Variants in ATG16L1 observed in about 807,000 individuals in gnomAD.
ATG16L1 encodes the protein autophagy-related protein 16-1.
A neutral mutation model predicts 88.5 loss-of-function variants in ATG16L1; 37 were observed. The observed-to-expected ratio is 0.42, with a 90% confidence interval of 0.32 to 0.55. The LOEUF is 0.55. Ranked by LOEUF, ATG16L1 falls within the 20% of genes least tolerant of loss-of-function variation. ATG16L1 has a pLI of 0.13. For missense variants in ATG16L1, 554 were observed against 752.8 expected (o/e 0.74, Z 3.09); for synonymous variants, 301 against 281.0 (o/e 1.07, Z -0.71).
chr2:233,292,354 C>A (rs1181614248), intron 15 of ATG16L1, 33 bp from the exon 16 acceptor site: 3 of 1,614,152 alleles, frequency 1.9e-6, no homozygotes, highest in East Asian at 4.5e-5. Flanking sequence ...GGCCTGAGCT[C>A]CCTCAGTGAC....
intron 2 of ATG16L1, among the ~76,000 whole-genome samples, chr2:233,258,764 A>G (rs1010573235): frequency 2.3e-4 from 35 of 152,122 alleles, no homozygotes; most frequent in African/African-American, 6.5e-4. Context: ...TGGCATGATC[A>G]TGGCTTACTG....
chr2:233,277,553 G>A lies in ATG16L1; in HGVS notation c.955-15G>A. The A allele has an allele frequency of 1.2e-6, 2 of 1,612,330 alleles. No individual in the cohort carries two copies. The highest frequency in any genetic ancestry group is 1.7e-6 in the Non-Finnish European group (2 of 1,178,466). ...TGAGAATGACTGGGTTTGACACAGG[G>A]TGCTTGTCTTGCAGGATGCACATGA... On this transcript the variant is annotated splice_polypyrimidine_tract_variant and intron_variant, in intron 9 of 17. Coordinates refer to ENST00000392017, the MANE Select transcript of ATG16L1 (RefSeq NM_030803.7).
Position 233,273,811 on chromosome 2 carries a change from A to G in ATG16L1, c.851+34A>G, listed in dbSNP as rs538445839. ...GAAGACCTTTCCTTTTTAAATGTGTATAAGTATACCTAAGTATATGTACAT... is the reference window on the plus strand; with the variant it reads ...GAAGACCTTTCCTTTTTAAATGTGTGTAAGTATACCTAAGTATATGTACAT... On this transcript the variant is annotated intron_variant, in intron 8 of 17. Coordinates refer to ENST00000392017, the MANE Select transcript of ATG16L1 (RefSeq NM_030803.7). The G allele has an allele frequency of 5.8e-5, 92 of 1,599,506 alleles. 1 individual carries two copies. The South Asian group carries it at 7.7e-4, about 13-fold the overall frequency.
intron 3 of ATG16L1, 22 bp from the exon 4 acceptor site, chr2:233,263,970 A>C: frequency 6.2e-7 from 1 of 1,611,952 alleles, no homozygotes; most frequent in South Asian, 1.1e-5. Flanking sequence ...TATTTATGAA[A>C]GTATTCTTCT....
Position 233,256,240 on chromosome 2 carries a change from A to G in ATG16L1, c.209+45A>G, listed in dbSNP as rs553454948. 553 of 1,498,244 alleles carry G rather than the reference A, an allele frequency of 3.7e-4. 2 individuals carry two copies. The South Asian group carries it at 5.8e-3, about 16-fold the overall frequency. 92.8% of individuals were successfully genotyped at this position (1,498,244 alleles called of 1,614,324 possible). A position where few individuals can be genotyped will look rare whatever the true frequency, so the allele number is the denominator to read the frequency against. On this transcript the variant is annotated intron_variant, in intron 2 of 17. Transcript: ENST00000392017. ...TATTATTTATGTCTCCTCTAAGGAAATTTATCTCAGTTCAGTTGTCACTTC... is the reference window on the plus strand; with the variant it reads ...TATTATTTATGTCTCCTCTAAGGAAGTTTATCTCAGTTCAGTTGTCACTTC...
Position 233,290,363 on chromosome 2 carries a change from C to G in ATG16L1, c.1430+10C>G. 2 of 1,603,928 alleles carry G rather than the reference C, an allele frequency of 1.2e-6. No individual in the cohort carries two copies. The highest frequency in any genetic ancestry group is 1.7e-6 in the Non-Finnish European group (2 of 1,170,786). On this transcript the variant is annotated intron_variant, in intron 14 of 17. Transcript: ENST00000392017. ...GTTTCTGGGACATTCGGTATGATACCCAAGCTCCTGACTGGAGGCACATAA... is the reference window on the plus strand; with the variant it reads ...GTTTCTGGGACATTCGGTATGATACGCAAGCTCCTGACTGGAGGCACATAA...
rs886103989 is a variant in ATG16L1, at chr2:233,274,165, C to T, written c.851+388C>T. 2.2e-5 allele frequency: 23 copies of T among 1,069,496 alleles called. No individual in the cohort carries two copies. The African/African-American group carries it at 2.7e-4, about 13-fold the overall frequency. 66.3% of individuals were successfully genotyped at this position (1,069,496 alleles called of 1,614,324 possible). A position where few individuals can be genotyped will look rare whatever the true frequency, so the allele number is the denominator to read the frequency against. ...TGCTAACGAGGATGCTTTGCATGTT[C>T]CTAGGAATGCCGGGAGCCCTCAGAG... On this transcript the variant is annotated intron_variant, in intron 8 of 17. Coordinates refer to ENST00000392017, the MANE Select transcript of ATG16L1 (RefSeq NM_030803.7).
chr2:233,294,260 A>G lies in ATG16L1; in HGVS notation c.1734A>G (p.Ser578=), dbSNP rs776016949. 24 of 1,600,414 alleles carry G rather than the reference A, an allele frequency of 1.5e-5. No individual in the cohort carries two copies. The highest frequency in any genetic ancestry group is 1.3e-5 in the African/African-American group (1 of 74,398). The stretch of plus-strand genomic sequence containing the variant: ...TTTTCTGATCTCTCCTTTGAAGCTC[A>G]TCCATCAATGCGGTGGCGTGGTCGC... ...VEKVLSKQHS[S]SINAVAWSPS... Residue 578 remains serine, a synonymous_variant, in exon 18 of 18, where the codon TCA becomes TCG. Transcript: ENST00000392017.
Position 233,273,561 on chromosome 2 carries a change from T to A in ATG16L1, c.795-160T>A. The A allele has an allele frequency of 6.4e-6, 4 of 622,390 alleles. No homozygotes were observed. In the East Asian group the frequency reaches 8.4e-5, roughly 13 times the overall value. The allele number at this position is 622,390 out of a possible 1,614,324, so 38.6% of individuals were successfully genotyped here. A position where few individuals can be genotyped will look rare whatever the true frequency, so the allele number is the denominator to read the frequency against. ...GGGTTTTCCCTTTCCCTTCCCACTG[T>A]TTTCTGGCAGTTTGGTACTGTGTTG... On this transcript the variant is annotated intron_variant, in intron 7 of 17. Coordinates refer to ENST00000392017, the MANE Select transcript of ATG16L1 (RefSeq NM_030803.7).
At chr2:233,270,169 G>A (rs1199937057) in intron 6 of ATG16L1, 102 bp downstream of exon 6, 9 of 1,083,276 alleles carry the variant, frequency 8.3e-6, no homozygotes, top group Non-Finnish European at 1.2e-5. Flanking sequence ...TTGAGACAGG[G>A]TCTTGCTCTG....
At chr2:233,258,385 A>G (rs1696966371) in intron 2 of ATG16L1, among the ~76,000 whole-genome samples, 1 of 152,208 alleles carries the variant, frequency 6.6e-6, no homozygotes, top group Admixed American at 6.5e-5. Context: ...TAGAGGACAG[A>G]GTGGGAAAGA....
At chr2:233,270,707 G>C (rs1394885946) in intron 6 of ATG16L1, among the ~76,000 whole-genome samples, 1 of 152,170 alleles carries the variant, frequency 6.6e-6, no homozygotes, top group Admixed American at 6.5e-5. Flanking sequence ...CGAAAACTAA[G>C]ATCTCTTGGA....
intron 16 of ATG16L1, 104 bp from the exon 17 acceptor site, chr2:233,293,152 G>A: frequency 1.0e-6 from 1 of 963,496 alleles, no homozygotes; most frequent in Non-Finnish European, 1.7e-6. Flanking sequence ...CACAGGAGTG[G>A]TCATCAGTGA....
At chr2:233,271,590 T>G (rs763492818) in intron 6 of ATG16L1, among the ~76,000 whole-genome samples, 14 of 152,266 alleles carry the variant, frequency 9.2e-5, no homozygotes, top group Non-Finnish European at 1.8e-4. Context: ...AGGCCTCTCC[T>G]TAATCTCTAT....
intron 12 of ATG16L1, among the ~76,000 whole-genome samples, chr2:233,285,274 A>G (rs1699001327): frequency 1.3e-5 from 2 of 152,180 alleles, no homozygotes; most frequent in African/African-American, 2.4e-5. Flanking sequence ...TTTTTTTATG[A>G]TAGTCCCTTA....
At chr2:233,274,379 C>T (rs1396838049) in intron 8 of ATG16L1, 1 of 429,548 alleles carries the variant, frequency 2.3e-6, no homozygotes, top group Non-Finnish European at 4.2e-6. Flanking sequence ...GAGAAAGTTT[C>T]CCAGCAGCTT....
At chr2:233,291,823 A>C (rs971394877) in intron 14 of ATG16L1, among the ~76,000 whole-genome samples, 2 of 152,168 alleles carry the variant, frequency 1.3e-5, no homozygotes, top group Non-Finnish European at 2.9e-5. Flanking sequence ...AAATAATACG[A>C]ATTGGGTAGT....
At chr2:233,261,825 A>G (rs552280291) in intron 2 of ATG16L1, among the ~76,000 whole-genome samples, 1 of 152,208 alleles carries the variant, frequency 6.6e-6, no homozygotes, top group Non-Finnish European at 1.5e-5. Flanking sequence ...CTTCTGCTGT[A>G]TCTGAGATAT....
chr2:233,292,272 A>G lies in ATG16L1; in HGVS notation c.1575A>G (p.Thr525=), dbSNP rs536670551. 9.3e-6 allele frequency: 15 copies of G among 1,614,224 alleles called. No homozygotes were observed. Among genetic ancestry groups the G allele is most frequent in the South Asian group, 2.2e-5 (2 of 91,090 alleles). Residue 525 remains threonine, a synonymous_variant, in exon 15 of 18, where the codon ACA becomes ACG. Coordinates refer to ENST00000392017, the MANE Select transcript of ATG16L1 (RefSeq NM_030803.7). ...IDLRTNAIKQ[T]FSAPGFKCGS... ...TCCGAACAAATGCTATCAAGCAGACATTCAGGTAACTGAAGATGTGCTGGT... is the reference window on the plus strand; with the variant it reads ...TCCGAACAAATGCTATCAAGCAGACGTTCAGGTAACTGAAGATGTGCTGGT...
Sources: gnomAD v4.1 joint callset for allele counts (sites outside exome capture counted in the v4.1 genomes callset) on GRCh38, gnomAD v4.1.1 for gene constraint, MANE v1.5 for transcripts, NCBI Gene and HGNC (gene_info 2026-07-23, HGNC 2026-07-21) for gene names.